Variants in MGAT5 observed in about 807,000 individuals in gnomAD.
MGAT5 encodes the protein alpha-1,6-mannosylglycoprotein 6-beta-N-acetylglucosaminyltransferase.
Under a neutral mutation model 94.3 loss-of-function variants are expected in MGAT5, and 30 were observed. That is an observed-to-expected ratio of 0.32 (90% CI 0.24 to 0.43). The LOEUF (loss-of-function observed/expected upper bound fraction) is 0.43. Among genes scored for constraint, MGAT5 ranks in the 20% least tolerant of loss-of-function variants. The pLI is 1.00. For synonymous variants in MGAT5, 310 were observed against 322.9 expected (o/e 0.96, Z 0.43); for missense variants, 691 against 905.5 (o/e 0.76, Z 3.04).
At chr2:134,401,091 C>CTT (rs111777946) in intron 10 of MGAT5, among the ~76,000 whole-genome samples, 11 of 150,856 alleles carry the variant, frequency 7.3e-5, no homozygotes, top group Middle Eastern at 3.2e-3. Flanking sequence ...TTCTACTCCT[C>CTT]TTTTTTTTTC....
intron 2 of MGAT5, among the ~76,000 whole-genome samples, chr2:134,289,470 T>A (rs767406282): frequency 2.6e-5 from 4 of 152,168 alleles, no homozygotes; most frequent in Non-Finnish European, 5.9e-5. Flanking sequence ...GTTGTGTGCA[T>A]GTAGATGTTG....
intron 1 of MGAT5, among the ~76,000 whole-genome samples, chr2:134,150,434 G>A (rs1322742985): frequency 1.3e-5 from 2 of 152,102 alleles, no homozygotes; most frequent in Non-Finnish European, 2.9e-5. Flanking sequence ...GGTGCCCCTG[G>A]GCAGGCAAGA....
At chr2:134,263,281 A>G (rs1165976650) in intron 1 of MGAT5, among the ~76,000 whole-genome samples, 1 of 152,230 alleles carries the variant, frequency 6.6e-6, no homozygotes, top group Non-Finnish European at 1.5e-5. Flanking sequence ...TAAGAACTCT[A>G]TTCAGGTTCC....
chr2:134,165,225 G>C (rs1687916582), intron 1 of MGAT5, among the ~76,000 whole-genome samples: 1 of 152,234 alleles, frequency 6.6e-6, no homozygotes, highest in Non-Finnish European at 1.5e-5. Flanking sequence ...TGCTCTAGCT[G>C]ATGGCCAGAG....
intron 10 of MGAT5, among the ~76,000 whole-genome samples, chr2:134,391,810 G>A (rs1006216747): frequency 6.6e-6 from 1 of 152,204 alleles, no homozygotes; most frequent in African/African-American, 2.4e-5. Context: ...AGAATCCTTT[G>A]TAGTTTGAGT....
intron 4 of MGAT5, among the ~76,000 whole-genome samples, chr2:134,335,114 A>T (rs1688255505): frequency 6.6e-6 from 1 of 152,124 alleles, no homozygotes; most frequent in African/African-American, 2.4e-5. Flanking sequence ...CATTATGAGT[A>T]ACTTCCAGAT....
chr2:134,429,929 A>G (rs1684794953), intron 14 of MGAT5, among the ~76,000 whole-genome samples: 1 of 152,222 alleles, frequency 6.6e-6, no homozygotes, highest in African/African-American at 2.4e-5. Flanking sequence ...ACTCACAGTT[A>G]TCAGGCTCAC....
In MGAT5 at chr2:134,131,286, A is replaced by G. The variant is rs191186575; in HGVS notation, c.-143+10995A>G. On this transcript the variant is annotated intron_variant, in intron 1 of 16. Transcript: ENST00000409645. ...GTCCGCGGCTTCATTCTTGAAGTCA[A>G]TGAGACCAAGAACCCACCAATTCGG... is the stretch of plus-strand genomic sequence containing the variant. Among the ~76,000 whole-genome samples the G allele has an allele frequency of 5.1e-4, 77 of 152,348 alleles. 1 individual carries two copies. The highest frequency in any genetic ancestry group is 1.4e-3 in the African/African-American group (58 of 41,578).
intron 2 of MGAT5, among the ~76,000 whole-genome samples, chr2:134,278,038 G>A: frequency 6.6e-6 from 1 of 152,204 alleles, no homozygotes; most frequent in East Asian, 1.9e-4. Flanking sequence ...GTGGGATGCT[G>A]TTGAGAGGTT....
chr2:134,137,168 A>G (rs1686446314), intron 1 of MGAT5, among the ~76,000 whole-genome samples: 1 of 152,202 alleles, frequency 6.6e-6, no homozygotes, highest in Non-Finnish European at 1.5e-5. Context: ...TTAAGGTTAT[A>G]TCATCGACAA....
At chr2:134,181,338 C>T (rs529449849) in intron 1 of MGAT5, among the ~76,000 whole-genome samples, 13 of 152,344 alleles carry the variant, frequency 8.5e-5, no homozygotes, top group African/African-American at 3.1e-4. Context: ...CCCTGCTCTA[C>T]ACTCATGTAA....
At chr2:134,434,958 AT>A (rs1378872810) in intron 14 of MGAT5, among the ~76,000 whole-genome samples, 1 of 152,200 alleles carries the variant, frequency 6.6e-6, no homozygotes. Flanking sequence ...TACTGAATGA[AT>A]GAGGAAACCT....
chr2:134,191,140 C>G (rs1373345307), intron 1 of MGAT5, among the ~76,000 whole-genome samples: 1 of 152,208 alleles, frequency 6.6e-6, no homozygotes, highest in African/African-American at 2.4e-5. Context: ...ATAGTACGCA[C>G]CCAGTACCTG....
intron 1 of MGAT5, among the ~76,000 whole-genome samples, chr2:134,201,673 A>ATT (rs1679791886): frequency 6.6e-6 from 1 of 152,062 alleles, no homozygotes. Flanking sequence ...GGCAGTTGTT[A>ATT]TTGTCAAGTG....
chr2:134,327,072 A>G (rs989958259), intron 4 of MGAT5, among the ~76,000 whole-genome samples: 1 of 152,256 alleles, frequency 6.6e-6, no homozygotes, highest in South Asian at 2.1e-4. Context: ...TATCTGAAGC[A>G]TTTTTTAAAA....
At chr2:134,278,657 A>T (rs1369797799) in intron 2 of MGAT5, among the ~76,000 whole-genome samples, 1 of 152,102 alleles carries the variant, frequency 6.6e-6, no homozygotes, top group Non-Finnish European at 1.5e-5. Flanking sequence ...TCTCTCCCTG[A>T]GTGTTTGGAG....
At chr2:134,198,917 C>G (rs763458851) in intron 1 of MGAT5, among the ~76,000 whole-genome samples, 3 of 152,058 alleles carry the variant, frequency 2.0e-5, no homozygotes, top group Non-Finnish European at 4.4e-5. Flanking sequence ...TAAAAGAGGC[C>G]AAAGTTTATT....
intron 1 of MGAT5, among the ~76,000 whole-genome samples, chr2:134,156,173 G>A (rs377167810): frequency 1.3e-5 from 2 of 152,302 alleles, no homozygotes. Flanking sequence ...CTTCTGCACA[G>A]GCCGCCGGTC....
intron 1 of MGAT5, among the ~76,000 whole-genome samples, chr2:134,134,783 GGTAGCACAGTTGT>G (rs1201599554): frequency 6.6e-6 from 1 of 152,160 alleles, no homozygotes; most frequent in Non-Finnish European, 1.5e-5. Flanking sequence ...ATCTGTAATG[GGTAGCACAGTTGT>G]GTATCACAAA....
Sources: gnomAD v4.1 joint callset for allele counts (sites outside exome capture counted in the v4.1 genomes callset) on GRCh38, gnomAD v4.1.1 for gene constraint, MANE v1.5 for transcripts, NCBI Gene and HGNC (gene_info 2026-07-23, HGNC 2026-07-21) for gene names.